The following SLC25A48 variants were observed in gnomAD, a reference collection of about 807,000 sequenced individuals.
SLC25A48 encodes the protein CTC-321K16.1.
Under a neutral mutation model 32.2 loss-of-function variants are expected in SLC25A48, and 29 were observed. The ratio of observed to expected loss-of-function variants is 0.90; its 90% CI spans 0.67 to 1.23. The LOEUF (loss-of-function observed/expected upper bound fraction) is 1.23, where lower values mean the gene tolerates loss of function less well. SLC25A48 is among the 50% of genes most tolerant of loss of function. The pLI is 0.00. For synonymous variants in SLC25A48, 164 were observed against 172.3 expected, an observed-to-expected ratio of 0.95 and a Z score of 0.38; for missense variants, 399 against 422.7, an observed-to-expected ratio of 0.94 and a Z score of 0.49.
At chr5:135,791,889 A>G (rs901450366) in intron 3 of SLC25A48, among the ~76,000 whole-genome samples, 1 of 151,660 alleles carries the variant, frequency 6.6e-6, no homozygotes, top group African/African-American at 2.4e-5. Flanking sequence ...GTCACAGGGT[A>G]TGTACATTCT....
chr5:135,837,103 T>C (rs1758601466), intron 1 of SLC25A48, among the ~76,000 whole-genome samples: 1 of 151,768 alleles, frequency 6.6e-6, no homozygotes, highest in Non-Finnish European at 1.5e-5. Flanking sequence ...ATGGGTGGGC[T>C]AATAAGTGGC....
chr5:135,665,873 C>G (rs758420386), intron 3 of SLC25A48, among the ~76,000 whole-genome samples: 1 of 152,072 alleles, frequency 6.6e-6, no homozygotes, highest in Non-Finnish European at 1.5e-5. Context: ...TCTCTCCTTC[C>G]AGGTCCCACA....
At chr5:135,822,293 T>C (rs979958485) in intron 4 of SLC25A48, 1 of 152,324 alleles carries the variant, frequency 6.6e-6, no homozygotes, top group East Asian at 1.9e-4. Context: ...CAAACCCACA[T>C]GAGTTAGTGT....
intron 3 of SLC25A48, among the ~76,000 whole-genome samples, chr5:135,720,141 T>G (rs1223399640): frequency 6.6e-6 from 1 of 152,198 alleles, no homozygotes; most frequent in East Asian, 1.9e-4. Flanking sequence ...ATTGTAGCAG[T>G]GGAGCTCTTG....
intron 1 of SLC25A48, among the ~76,000 whole-genome samples, chr5:135,627,472 G>A (rs1012969465): frequency 5.3e-5 from 8 of 152,062 alleles, no homozygotes; most frequent in Admixed American, 1.3e-4. Flanking sequence ...AAGTGGTGGC[G>A]GATTCCTGCT....
At chr5:135,753,397 A>C (rs1388726842) in intron 3 of SLC25A48, among the ~76,000 whole-genome samples, 1 of 152,058 alleles carries the variant, frequency 6.6e-6, no homozygotes, top group Non-Finnish European at 1.5e-5. Flanking sequence ...GGCTGTACAC[A>C]CAGAGCGCAA....
chr5:135,883,111 G>C, intron 7 of SLC25A48: 1 of 985,476 alleles, frequency 1.0e-6, no homozygotes, highest in Non-Finnish European at 1.2e-6. Context: ...CAGAACCCAT[G>C]ATGTGAATTT....
At chr5:135,743,912 C>T (rs756067861) in intron 3 of SLC25A48, among the ~76,000 whole-genome samples, 5 of 152,234 alleles carry the variant, frequency 3.3e-5, no homozygotes, top group Non-Finnish European at 5.9e-5. Context: ...AGTCTAACTC[C>T]TTGTCTGCTA....
At chr5:135,786,453 T>C (rs1050732959) in intron 3 of SLC25A48, among the ~76,000 whole-genome samples, 4 of 152,066 alleles carry the variant, frequency 2.6e-5, no homozygotes, top group Non-Finnish European at 1.5e-5. Flanking sequence ...CATAAGGGGA[T>C]ATTACATGGG....
chr5:135,868,661 T>TACAC (rs71819151), intron 4 of SLC25A48, among the ~76,000 whole-genome samples: 6 of 126,406 alleles, frequency 4.7e-5, no homozygotes, highest in African/African-American at 8.7e-5. Context: ...TCTATGTGTA[T>TACAC]ACACACACAC....
chr5:135,615,640 CGTATG>C (rs918811551), intron 1 of SLC25A48, among the ~76,000 whole-genome samples: 1 of 152,082 alleles, frequency 6.6e-6, no homozygotes, highest in Non-Finnish European at 1.5e-5. Flanking sequence ...GCAGCCCGGC[CGTATG>C]GTAGAGAAGA....
intron 1 of SLC25A48, among the ~76,000 whole-genome samples, chr5:135,625,758 A>C (rs1752428293): frequency 6.6e-6 from 1 of 152,152 alleles, no homozygotes; most frequent in Non-Finnish European, 1.5e-5. Context: ...TAGGAGAAGC[A>C]AGAATGCAGG....
chr5:135,877,804 G>C (rs562149432), intron 6 of SLC25A48, among the ~76,000 whole-genome samples: 46 of 152,258 alleles, frequency 3.0e-4, no homozygotes, highest in African/African-American at 1.1e-3. Flanking sequence ...GAAGGTGAGG[G>C]GCCATCATCC....
intron 3 of SLC25A48, among the ~76,000 whole-genome samples, chr5:135,791,385 C>T (rs143609041): frequency 1.1e-3 from 166 of 151,296 alleles, no homozygotes; most frequent in African/African-American, 3.6e-3. Flanking sequence ...AATGTCACAG[C>T]GGGTGTAAAC....
intron 3 of SLC25A48, among the ~76,000 whole-genome samples, chr5:135,635,965 G>A (rs1010979533): frequency 7.9e-5 from 12 of 152,166 alleles, no homozygotes; most frequent in African/African-American, 2.4e-4. Context: ...CCCAGCCAGA[G>A]TCTGTCATTC....
intron 3 of SLC25A48, among the ~76,000 whole-genome samples, chr5:135,774,439 C>T (rs558171273): frequency 2.6e-5 from 4 of 151,802 alleles, no homozygotes; most frequent in East Asian, 3.9e-4. Context: ...GTGTACAACC[C>T]GCTTGTGATA....
intron 4 of SLC25A48, among the ~76,000 whole-genome samples, chr5:135,829,595 C>G (rs1418403738): frequency 6.7e-6 from 1 of 148,508 alleles, no homozygotes; most frequent in Non-Finnish European, 1.5e-5. Flanking sequence ...TAAACTGTTG[C>G]AGGAGTCCTA....
At chr5:135,785,555 G>C (rs557235688) in intron 3 of SLC25A48, among the ~76,000 whole-genome samples, 13 of 137,836 alleles carry the variant, frequency 9.4e-5, no homozygotes, top group African/African-American at 4.1e-4. Flanking sequence ...GTAATATCCA[G>C]GGGGGGAGAG....
chr5:135,654,377 A>G (rs1034442590), intron 3 of SLC25A48, among the ~76,000 whole-genome samples: 9 of 152,196 alleles, frequency 5.9e-5, no homozygotes, highest in African/African-American at 2.2e-4. Context: ...TAGGGTTTGT[A>G]TCAGTTGGGG....
Sources: gnomAD v4.1 joint callset for allele counts (sites outside exome capture counted in the v4.1 genomes callset) on GRCh38, gnomAD v4.1.1 for gene constraint, MANE v1.5 for transcripts, NCBI Gene and HGNC (gene_info 2026-07-23, HGNC 2026-07-21) for gene names.